Variants in LIME1 observed in about 807,000 individuals in gnomAD.
The protein encoded by LIME1 is lck-interacting transmembrane adapter 1.
Under a neutral mutation model 18.8 loss-of-function variants are expected in LIME1, and 23 were observed. The ratio of observed to expected loss-of-function variants is 1.22; its 90% CI spans 0.88 to 1.73. The LOEUF (loss-of-function observed/expected upper bound fraction) is 1.73. Ranked by LOEUF, LIME1 falls within the 40% of genes most tolerant of loss-of-function variation. LIME1 has a pLI of 0.00. For synonymous variants in LIME1, 177 were observed against 182.3 expected (o/e 0.97, Z 0.23); for missense variants, 423 against 396.8 (o/e 1.07, Z -0.56).
Position 63,738,897 on chromosome 20 carries a change from C to G in LIME1, c.885C>G (p.Pro295=). The G allele has an allele frequency of 6.3e-7, 1 of 1,594,052 alleles. No individual in the cohort carries two copies. The highest frequency in any genetic ancestry group is 8.5e-7 in the Non-Finnish European group (1 of 1,170,494). ...GGAGACCCCTCCCTGCCTCCCTGCC[C>G]TGAACACTCAAGGACCTGTGCTCCT... is the stretch of plus-strand genomic sequence containing the variant. The part of the protein sequence containing the change: ...RGWRPLPASL[P] The change falls in exon 6 of 6, where the codon CCC becomes CCG. Residue 295 remains proline, a synonymous_variant. Transcript: ENST00000309546.
At chr20:63,735,809 G>C (rs774632294), upstream of LIME1, 1 of 1,610,924 alleles carries the variant, frequency 6.2e-7, no homozygotes, top group Non-Finnish European at 8.5e-7. Flanking sequence ...CCAGCTGCAG[G>C]AGAAGCTGGC....
rs1051976620 is a variant in LIME1, at chr20:63,736,732, G to T, written c.-18+20G>T. The T allele has an allele frequency of 1.6e-5, 16 of 985,774 alleles. No homozygotes were observed. The South Asian group carries it at 6.1e-4, about 38-fold the overall frequency. The allele number at this position is 985,774 out of a possible 1,614,324, so 61.1% of individuals were successfully genotyped here. ...GGCTTGGTAAGTGCCCTCCTGGGGG[G>T]CAGCTGGGGTCTGGGAGGCCTTGGG... is the stretch of plus-strand genomic sequence containing the variant. On this transcript the variant is annotated intron_variant, in intron 1 of 5. Coordinates refer to ENST00000309546, the MANE Select transcript of LIME1 (RefSeq NM_017806.4).
chr20:63,736,186 G>A (rs1293760197), upstream of LIME1: 3 of 486,414 alleles, frequency 6.2e-6, no homozygotes, highest in East Asian at 8.9e-5. Flanking sequence ...GGGAGAGAAG[G>A]GTCTGTGCAG....
At position 63,738,074 on chromosome 20, in the gene LIME1, G is replaced by A. The variant is rs546677524; in HGVS notation, c.268+14G>A. On this transcript the variant is annotated intron_variant, in intron 4 of 5. Transcript: ENST00000309546. ...GCAGCAGCAGGGGTGAGCAGAGGGCGGGGCGGGGGCGGCCGGGCGGGGCTT... is the reference window on the plus strand; with the variant it reads ...GCAGCAGCAGGGGTGAGCAGAGGGCAGGGCGGGGGCGGCCGGGCGGGGCTT... 1.0e-5 allele frequency: 12 copies of A among 1,196,610 alleles called. No individual in the cohort carries two copies. The East Asian group carries it at 3.2e-4, about 32-fold the overall frequency. The allele number at this position is 1,196,610 out of a possible 1,614,324, so 74.1% of individuals were successfully genotyped here. A position where few individuals can be genotyped will look rare whatever the true frequency, so the allele number is the denominator to read the frequency against.
upstream of LIME1, chr20:63,736,482 A>C (rs1427097881): frequency 3.0e-6 from 1 of 338,858 alleles, no homozygotes; most frequent in South Asian, 1.1e-4. Context: ...GTTGTGAGTT[A>C]GGCTGTCAGA....
chr20:63,736,142 A>G (rs993870644), upstream of LIME1: 2 of 630,100 alleles, frequency 3.2e-6, no homozygotes, highest in African/African-American at 3.7e-5. Flanking sequence ...TCACAGTGTC[A>G]TTCAGTGGAG....
intron 2 of LIME1, 24 bp downstream of exon 2, chr20:63,737,671 T>G: frequency 6.5e-7 from 1 of 1,534,060 alleles, no homozygotes; most frequent in Non-Finnish European, 8.7e-7. Flanking sequence ...CCGCGTTCTG[T>G]CTGGGGCCTC....
At position 63,738,708 on chromosome 20, in the gene LIME1, C is replaced by G; in HGVS notation, c.696C>G (p.Asp232Glu). 2 of 1,612,886 alleles carry G rather than the reference C, an allele frequency of 1.2e-6. 1 individual carries two copies. The highest frequency in any genetic ancestry group is 2.2e-5 in the South Asian group (2 of 91,080). Residue 232 changes from aspartate (D) to glutamate (E), a missense_variant, in exon 6 of 6, where the codon GAC becomes GAG. By Grantham distance (45) the Asp-to-Glu change is conservative (BLOSUM62 2). Transcript: ENST00000309546. ...GAGCGATTCTGGCCCTGGCGGGTGACCTGGCCTACCAGACCCTCCCGCTCA... is the reference window on the plus strand; with the variant it reads ...GAGCGATTCTGGCCCTGGCGGGTGAGCTGGCCTACCAGACCCTCCCGCTCA... Reference protein sequence around the residue: ...GQGAILALAGDLAYQTLPLRA... With the variant: ...GQGAILALAGELAYQTLPLRA...
At chr20:63,737,050 C>G (rs2091998050) in intron 1 of LIME1, 5 of 986,966 alleles carry the variant, frequency 5.1e-6, no homozygotes, top group Non-Finnish European at 6.0e-6. Context: ...TCCAGCTCCT[C>G]CGGGTGCAGG....
At chr20:63,736,438 T>C (rs1247864447), upstream of LIME1, 2 of 219,694 alleles carry the variant, frequency 9.1e-6, no homozygotes, top group Non-Finnish European at 1.6e-5. Flanking sequence ...GGGGGTTCTG[T>C]GCCAGCTCTG....
chr20:63,736,160 G>C (rs1026899971), upstream of LIME1: 1 of 569,330 alleles, frequency 1.8e-6, no homozygotes, highest in African/African-American at 1.9e-5. Context: ...GAGATCAGCT[G>C]GCTGCAGGGT....
rs1210235433 is a variant in LIME1 at position 63,738,425 on chromosome 20, C to T, written c.511C>T (p.Gln171Ter). 2 of 1,547,122 alleles carry T rather than the reference C, an allele frequency of 1.3e-6. No individual in the cohort carries two copies. The highest frequency in any genetic ancestry group is 1.2e-5 in the South Asian group (1 of 81,358). Residue 171 changes from glutamine (Q) to a stop codon, truncating the protein, a stop_gained, in exon 5 of 6, where the codon CAG becomes TAG. Coordinates refer to ENST00000309546, the MANE Select transcript of LIME1 (RefSeq NM_017806.4). LOFTEE classifies it high-confidence loss of function. ...TGTGGTGGCCGAGTATGCCCGCGTC[C>T]AGAAGCGCAAAGGGACCCATCGCAG... The part of the protein sequence containing the change: ...SPVVAEYARV[Q>*]KRKGTHRSPQ...
At position 63,738,966 on chromosome 20, in the gene LIME1, G is replaced by C; in HGVS notation, c.*66G>C. 1 of 1,388,530 alleles carries C rather than the reference G, an allele frequency of 7.2e-7. No individual in the cohort carries two copies. The allele number at this position is 1,388,530 out of a possible 1,614,324, so 86.0% of individuals were successfully genotyped here. A position where few individuals can be genotyped will look rare whatever the true frequency, so the allele number is the denominator to read the frequency against. On this transcript the variant is annotated 3_prime_UTR_variant, in exon 6 of 6. Coordinates refer to ENST00000309546, the MANE Select transcript of LIME1 (RefSeq NM_017806.4). ...GTCCCCCGCCCCGCCCCGCCTCACAGCTGACAGCGCCAGTCCCAGGTCCCC... is the reference window on the plus strand; with the variant it reads ...GTCCCCCGCCCCGCCCCGCCTCACACCTGACAGCGCCAGTCCCAGGTCCCC...
rs765288722 is a variant in LIME1 at position 63,737,804 on chromosome 20, C to A, written c.99-17C>A. On this transcript the variant is annotated splice_polypyrimidine_tract_variant and intron_variant, in intron 2 of 5. Coordinates refer to ENST00000309546, the MANE Select transcript of LIME1 (RefSeq NM_017806.4). ...GGCTGACGACCCCGCCCCCCGCCCC[C>A]CACCTCTACCCCCAAGGCCCGAGGA... 1 of 1,418,044 alleles carries A rather than the reference C, an allele frequency of 7.1e-7. No homozygotes were observed. The highest frequency in any genetic ancestry group is 9.3e-7 in the Non-Finnish European group (1 of 1,077,298). 87.8% of individuals were successfully genotyped at this position (1,418,044 alleles called of 1,614,324 possible). A position where few individuals can be genotyped will look rare whatever the true frequency, so the allele number is the denominator to read the frequency against.
At chr20:63,735,866 C>T (rs1429458244), upstream of LIME1, 5 of 1,612,808 alleles carry the variant, frequency 3.1e-6, no homozygotes, top group Non-Finnish European at 4.2e-6. Flanking sequence ...GGAAGCCGGC[C>T]TGCAGCAGGA....
upstream of LIME1, chr20:63,735,716 G>A (rs1043735945): frequency 4.3e-5 from 67 of 1,551,136 alleles, 1 homozygote; most frequent in South Asian, 7.0e-4. Flanking sequence ...CAGGCAGTGG[G>A]TACGGCAGAC....
intron 1 of LIME1, chr20:63,737,116 G>A (rs1257243764): frequency 2.0e-6 from 2 of 992,282 alleles, no homozygotes; most frequent in Non-Finnish European, 2.4e-6. Context: ...CGCAGCGAGC[G>A]GCTTGGGGGC....
chr20:63,736,651 G>A (rs540997769), upstream of LIME1: 4 of 985,974 alleles, frequency 4.1e-6, no homozygotes, highest in South Asian at 4.7e-5. Context: ...TCAGCCGAGG[G>A]CTGCACAAAG....
chr20:63,738,398 C>G lies in LIME1; in HGVS notation c.484C>G (p.Pro162Ala), dbSNP rs2145717785. 3.9e-6 allele frequency: 6 copies of G among 1,550,354 alleles called. No homozygotes were observed. The highest frequency in any genetic ancestry group is 5.2e-6 in the Non-Finnish European group (6 of 1,148,366). Residue 162 changes from proline to alanine, a missense_variant, in exon 5 of 6, where the codon CCT becomes GCT. Transcript: ENST00000309546. ...TCCCGGGGTCAGCCTGGCGGCCAGC[C>G]CTGTGGTGGCCGAGTATGCCCGCGT... ...ALPGVSLAAS[P>A]VVAEYARVQK...
Sources: allele counts gnomAD v4.1 joint callset, GRCh38; gene constraint gnomAD v4.1.1; transcripts MANE v1.5; gene names NCBI Gene and HGNC (gene_info 2026-07-23, HGNC 2026-07-21).